Variants in TPGS2 observed in about 807,000 individuals in gnomAD.
TPGS2 encodes the protein polyglutamylase subunit 2.
TPGS2 carries 26 observed loss-of-function variants against 31.1 expected under a neutral mutation model. The ratio of observed to expected loss-of-function variants is 0.84; its 90% CI spans 0.61 to 1.16. TPGS2 has a LOEUF of 1.16. Among genes scored for constraint, TPGS2 ranks in the 50% most tolerant of loss-of-function variants. The probability of loss-of-function intolerance (pLI) is 0.00; values close to 1 mark genes in which losing one functional copy is unlikely to be tolerated. For synonymous variants in TPGS2, 130 were observed against 136.6 expected, an observed-to-expected ratio of 0.95 and a Z score of 0.34; for missense variants, 351 against 363.8, an observed-to-expected ratio of 0.96 and a Z score of 0.29.
intron 1 of TPGS2, among the ~76,000 whole-genome samples, 197 bp downstream of exon 1, chr18:36,828,486 G>A (rs1335461537): frequency 6.6e-6 from 1 of 152,070 alleles, no homozygotes; most frequent in African/African-American, 2.4e-5. Context: ...CTCTGCCTCC[G>A]AACACTCCTG....
chr18:36,818,349 A>G (rs2045748554), intron 2 of TPGS2, among the ~76,000 whole-genome samples: 1 of 151,908 alleles, frequency 6.6e-6, no homozygotes, highest in Non-Finnish European at 1.5e-5. Context: ...AGGCAAAAAC[A>G]GTGCCTTTTA....
downstream of TPGS2, chr18:36,789,490 G>C (rs1365070903): frequency 6.6e-6 from 1 of 152,168 alleles, no homozygotes; most frequent in East Asian, 1.9e-4. Context: ...TATTAGCACA[G>C]GTCTGAGAGA....
At chr18:36,781,665 G>T, downstream of TPGS2, 1 of 751,086 alleles carries the variant, frequency 1.3e-6, no homozygotes. Context: ...TAGCCTCTGC[G>T]ACTCTGCATT....
chr18:36,815,608 G>C (rs1375205106), intron 2 of TPGS2, among the ~76,000 whole-genome samples: 1 of 148,846 alleles, frequency 6.7e-6, no homozygotes, highest in South Asian at 2.1e-4. Flanking sequence ...GAAAATCCTA[G>C]GAGACTTTTT....
At chr18:36,823,192 G>C (rs865988587) in intron 1 of TPGS2, among the ~76,000 whole-genome samples, 2 of 152,186 alleles carry the variant, frequency 1.3e-5, no homozygotes, top group Non-Finnish European at 2.9e-5. Flanking sequence ...CTTACACCAG[G>C]TGTGCTGATA....
chr18:36,793,811 C>G (rs2044400120), downstream of TPGS2, among the ~76,000 whole-genome samples: 1 of 151,716 alleles, frequency 6.6e-6, no homozygotes. Flanking sequence ...GATCTCGGCT[C>G]ACTGCAAGCT....
chr18:36,798,203 T>A (rs1185565982), intron 6 of TPGS2: 30 of 1,341,470 alleles, frequency 2.2e-5, no homozygotes, highest in African/African-American at 2.9e-5. Flanking sequence ...CCAACAGAAT[T>A]TCATTAAAAA....
intron 6 of TPGS2, among the ~76,000 whole-genome samples, chr18:36,785,308 T>G (rs1460259135): frequency 2.0e-5 from 3 of 152,092 alleles, no homozygotes; most frequent in Admixed American, 6.5e-5. Context: ...AAAAAAAAAT[T>G]TCCTGAACGC....
At chr18:36,814,571 T>A (rs1037037729) in intron 2 of TPGS2, among the ~76,000 whole-genome samples, 1 of 152,196 alleles carries the variant, frequency 6.6e-6, no homozygotes, top group Non-Finnish European at 1.5e-5. Context: ...TTCAAATTAC[T>A]TATTTTATAC....
intron 6 of TPGS2, among the ~76,000 whole-genome samples, chr18:36,783,391 T>G (rs1363884786): frequency 1.3e-5 from 2 of 152,348 alleles, no homozygotes; most frequent in East Asian, 3.9e-4. Context: ...CCCTGTGTCT[T>G]AGCACTTATG....
intron 1 of TPGS2, 150 bp downstream of exon 1, chr18:36,828,533 C>T: frequency 2.4e-6 from 2 of 823,240 alleles, no homozygotes; most frequent in South Asian, 3.4e-5. Flanking sequence ...AACCCAGGTC[C>T]CCCACTTTCC....
intron 6 of TPGS2, chr18:36,787,010 A>G: frequency 1.6e-6 from 2 of 1,234,296 alleles, no homozygotes. Context: ...CTCAGCTCCC[A>G]TTGGAGGGGC....
At chr18:36,819,948 C>G (rs920404666) in intron 1 of TPGS2, among the ~76,000 whole-genome samples, 1 of 152,218 alleles carries the variant, frequency 6.6e-6, no homozygotes, top group Non-Finnish European at 1.5e-5. Flanking sequence ...GTTGTCCCCA[C>G]TACTTGGGAG....
rs1319400634 is a variant in TPGS2, at chr18:36,828,951, G to T, written c.-184C>A. ...AGCTCCGTGGGGCGCCGGTTCCCGC[G>T]GCCCCGCCCGGTGCCCCACACCGCA... is the stretch of plus-strand genomic sequence containing the variant. On this transcript the variant is annotated 5_prime_UTR_variant, in exon 1 of 7. Transcript: ENST00000334295. The T allele has an allele frequency of 2.0e-6, 2 of 982,772 alleles. No homozygotes were observed. The highest frequency in any genetic ancestry group is 3.2e-5 in the Admixed American group (1 of 31,710). The allele number at this position is 982,772 out of a possible 1,614,324, so 60.9% of individuals were successfully genotyped here. A position where few individuals can be genotyped will look rare whatever the true frequency, so the allele number is the denominator to read the frequency against.
At chr18:36,812,419 T>C (rs2150637759) in intron 2 of TPGS2, among the ~76,000 whole-genome samples, 1 of 152,276 alleles carries the variant, frequency 6.6e-6, no homozygotes, top group East Asian at 1.9e-4. Flanking sequence ...TAATCAATCA[T>C]GTCTACATAA....
Position 36,796,335 on chromosome 18 carries a change from G to A in TPGS2, c.*470C>T. Reference sequence around the variant, plus strand: ...CTTTGTGCTAATACAGAATCTACCAGCCACATGAATACTCAAAATGTGGCT... The same window carrying A: ...CTTTGTGCTAATACAGAATCTACCAACCACATGAATACTCAAAATGTGGCT... On this transcript the variant is annotated 3_prime_UTR_variant, in exon 7 of 7. Coordinates refer to ENST00000334295, the MANE Select transcript of TPGS2 (RefSeq NM_015476.4). The A allele has an allele frequency of 4.1e-6, 4 of 974,004 alleles. No homozygotes were observed. In the South Asian group the frequency reaches 1.9e-4, roughly 46 times the overall value. The allele number at this position is 974,004 out of a possible 1,614,324, so 60.3% of individuals were successfully genotyped here. A position where few individuals can be genotyped will look rare whatever the true frequency, so the allele number is the denominator to read the frequency against.
intron 2 of TPGS2, among the ~76,000 whole-genome samples, chr18:36,812,001 A>T (rs1367620212): frequency 1.3e-5 from 2 of 152,226 alleles, no homozygotes; most frequent in Admixed American, 6.5e-5. Context: ...ATTAAAATGT[A>T]AACACAAGTC....
intron 2 of TPGS2, among the ~76,000 whole-genome samples, chr18:36,808,507 G>A (rs1012181922): frequency 4.0e-5 from 6 of 151,836 alleles, no homozygotes; most frequent in African/African-American, 9.7e-5. Flanking sequence ...GTGTGGTGGC[G>A]GGCGCCTGTA....
intron 1 of TPGS2, 124 bp from the exon 2 acceptor site, chr18:36,819,097 T>A (rs769819609): frequency 2.7e-6 from 2 of 754,680 alleles, no homozygotes; most frequent in Non-Finnish European, 2.2e-6. Flanking sequence ...TGAACACTTA[T>A]TACCCCTGTA....
Sources: gnomAD v4.1 joint callset for allele counts (sites outside exome capture counted in the v4.1 genomes callset) on GRCh38, gnomAD v4.1.1 for gene constraint, MANE v1.5 for transcripts, NCBI Gene and HGNC (gene_info 2026-07-23, HGNC 2026-07-21) for gene names.